PTPRS: variants seen among roughly 807,000 people sequenced by gnomAD.
The protein encoded by PTPRS is receptor-type tyrosine-protein phosphatase S.
Under a neutral mutation model 215.3 loss-of-function variants are expected in PTPRS, and 63 were observed. The ratio of observed to expected loss-of-function variants is 0.29; its 90% CI spans 0.24 to 0.36. The LOEUF (loss-of-function observed/expected upper bound fraction) is 0.36. Among genes scored for constraint, PTPRS ranks in the 10% least tolerant of loss-of-function variants. PTPRS has a pLI of 1.00. For missense variants in PTPRS, 2,258 were observed against 2,825.8 expected (o/e 0.80, Z 4.56); for synonymous variants, 1,404 against 1,191.4 (o/e 1.18, Z -3.68).
At chr19:5,229,461 T>TCC in intron 15 of PTPRS, 30 bp downstream of exon 15, 1 of 1,375,402 alleles carries the variant, frequency 7.3e-7, no homozygotes, top group Non-Finnish European at 9.4e-7. Flanking sequence ...CCGGAGCCCG[T>TCC]CCCCGGCCCC....
Position 5,231,589 on chromosome 19 carries a change from T to C in PTPRS, c.1876A>G (p.Lys626Glu). The C allele has an allele frequency of 6.4e-7, 1 of 1,561,448 alleles. No individual in the cohort carries two copies. Among genetic ancestry groups the C allele is most frequent in the Non-Finnish European group, 8.6e-7 (1 of 1,162,014 alleles). The change falls in exon 14 of 38, where the codon AAA becomes GAA. Residue 626 changes from lysine to glutamate, a missense_variant. By Grantham distance (56) the Lys-to-Glu change is moderately conservative (BLOSUM62 1). Coordinates refer to ENST00000262963, the MANE Select transcript of PTPRS (RefSeq NM_002850.4). ...GCCGTGGAGCGCACGCTGACACATT[T>C]AACGTCTTGAGGGGGGGCTGACGGT... is the stretch of plus-strand genomic sequence containing the variant. Reference protein sequence around the residue: ...SKPSAPPQDVKCVSVRSTAIL... With the variant: ...SKPSAPPQDVECVSVRSTAIL...
At chr19:5,309,030 G>C (rs1396343526) in intron 1 of PTPRS, among the ~76,000 whole-genome samples, 2 of 152,192 alleles carry the variant, frequency 1.3e-5, no homozygotes, top group Admixed American at 6.5e-5. Context: ...CAGCCTGCCT[G>C]GCACTAGGCC....
In PTPRS at chr19:5,244,553, T is replaced by C; in HGVS notation, c.989-71A>G. 3 of 1,305,358 alleles carry C rather than the reference T, an allele frequency of 2.3e-6. No homozygotes were observed. The highest frequency in any genetic ancestry group is 3.2e-6 in the Non-Finnish European group (3 of 936,840). The allele number at this position is 1,305,358 out of a possible 1,614,324, so 80.9% of individuals were successfully genotyped here. On this transcript the variant is annotated intron_variant, in intron 10 of 37. Transcript: ENST00000262963. The surrounding 1 kb of genome is among the most constrained non-coding windows in gnomAD (Gnocchi z 7.2). ...AGGACCCTGAAGGCTGTGTGACTTT[T>C]CACCATTCAGTCGCCTTCTCTGAGC...
At chr19:5,329,368 C>T (rs1008891221) in intron 1 of PTPRS, among the ~76,000 whole-genome samples, 1 of 152,154 alleles carries the variant, frequency 6.6e-6, no homozygotes, top group Non-Finnish European at 1.5e-5. Flanking sequence ...CATCTTTGCT[C>T]CCAGCCACTG....
chr19:5,212,146 C>T lies in PTPRS; in HGVS notation c.4874G>A (p.Arg1625Lys). The change falls in exon 32 of 38, where the codon AGG (arginine) becomes AAG (lysine). Residue 1625 changes from arginine (R) to lysine (K), a missense_variant. Arg to Lys is a conservative substitution (Grantham distance 26). Transcript: ENST00000262963. The stretch of plus-strand genomic sequence containing the variant: ...CTGCACCATGTAGTTGCGCTGGGAC[C>T]TCATGAGCGTCACGTGGCCATAGAC... ...VDVYGHVTLMRSQRNYMVQTE... is the reference protein window; with the variant it reads ...VDVYGHVTLMKSQRNYMVQTE... The T allele has an allele frequency of 6.2e-7, 1 of 1,614,102 alleles. No homozygotes were observed. Among genetic ancestry groups the T allele is most frequent in the Non-Finnish European group, 8.5e-7 (1 of 1,180,046 alleles).
intron 1 of PTPRS, among the ~76,000 whole-genome samples, chr19:5,317,882 G>C (rs570615827): frequency 5.3e-5 from 8 of 151,792 alleles, no homozygotes; most frequent in African/African-American, 1.9e-4. Flanking sequence ...TTAAAAATAT[G>C]AAAATTAGGC....
At chr19:5,281,235 A>T (rs1342259944) in intron 2 of PTPRS, among the ~76,000 whole-genome samples, 2 of 151,720 alleles carry the variant, frequency 1.3e-5, no homozygotes, top group African/African-American at 4.8e-5. Context: ...CCAAAGCGGG[A>T]GGATCAACTG....
At chr19:5,302,023 C>T (rs1014909682) in intron 1 of PTPRS, among the ~76,000 whole-genome samples, 3 of 152,040 alleles carry the variant, frequency 2.0e-5, no homozygotes, top group East Asian at 1.9e-4. Context: ...TCAAATGATC[C>T]GCCTTGCCTT....
At chr19:5,329,324 C>T (rs915109835) in intron 1 of PTPRS, among the ~76,000 whole-genome samples, 6 of 152,104 alleles carry the variant, frequency 3.9e-5, no homozygotes, top group African/African-American at 1.4e-4. Context: ...AGTCACACAG[C>T]TCGTAAGGGG....
chr19:5,207,504 GTCC>G (rs2144904340), intron 37 of PTPRS, among the ~76,000 whole-genome samples: 1 of 152,262 alleles, frequency 6.6e-6, no homozygotes, highest in East Asian at 1.9e-4. Context: ...GCCACGCCGG[GTCC>G]CCTCTACTCA....
chr19:5,239,527 T>C (rs111065627), intron 12 of PTPRS, among the ~76,000 whole-genome samples: 9,202 of 136,254 alleles, frequency 0.068, 829 homozygotes, highest in African/African-American at 0.22. Context: ...GACAGAGGAA[T>C]AGAGAAATTG....
chr19:5,273,149 C>G (rs144345683), intron 4 of PTPRS: 1 of 444,914 alleles, frequency 2.2e-6, no homozygotes, highest in South Asian at 2.4e-5. Context: ...TTACCTTTCT[C>G]GCTTGAACCC....
chr19:5,219,822 C>T, intron 22 of PTPRS, 117 bp downstream of exon 22: 1 of 1,209,884 alleles, frequency 8.3e-7, no homozygotes, highest in Non-Finnish European at 1.2e-6. Context: ...CCCCTCTGCC[C>T]AGCTCTGACC....
intron 1 of PTPRS, among the ~76,000 whole-genome samples, chr19:5,322,779 T>A (rs1016965780): frequency 6.8e-6 from 1 of 147,208 alleles, no homozygotes; most frequent in Non-Finnish European, 1.5e-5. Context: ...TTCGAGAGGC[T>A]GAGGCAGGAG....
At chr19:5,279,308 G>A (rs2047655801) in intron 2 of PTPRS, among the ~76,000 whole-genome samples, 1 of 152,114 alleles carries the variant, frequency 6.6e-6, no homozygotes, top group African/African-American at 2.4e-5. Flanking sequence ...CTTTTTACAT[G>A]TAGAACTAAA....
chr19:5,321,224 G>C (rs2050016706), intron 1 of PTPRS, among the ~76,000 whole-genome samples: 2 of 152,214 alleles, frequency 1.3e-5, no homozygotes, highest in Admixed American at 6.5e-5. Flanking sequence ...AGTGAGCTAT[G>C]ATCATGCCAC....
intron 30 of PTPRS, among the ~76,000 whole-genome samples, chr19:5,212,950 C>T (rs1379644115): frequency 6.6e-6 from 1 of 152,094 alleles, no homozygotes; most frequent in Admixed American, 6.5e-5. Flanking sequence ...TTGCGGACGC[C>T]TCACACACAA....
At chr19:5,230,096 G>C (rs1311116041) in intron 14 of PTPRS, among the ~76,000 whole-genome samples, 1 of 152,186 alleles carries the variant, frequency 6.6e-6, no homozygotes, top group African/African-American at 2.4e-5. Flanking sequence ...GCCAGGATTT[G>C]CACCAGGCAG....
intron 22 of PTPRS, 89 bp downstream of exon 22, chr19:5,219,826 TCTGACCACAGGGAGCTGCCTGTGA>T: frequency 8.0e-7 from 1 of 1,249,032 alleles, no homozygotes. Flanking sequence ...TCTGCCCAGC[TCTGACCACAGGGAGCTGCCTGTGA>T]CTGACCACAG....
Sources: allele counts gnomAD v4.1 joint callset (sites outside exome capture counted in the v4.1 genomes callset), GRCh38; gene constraint gnomAD v4.1.1; non-coding constraint Gnocchi (gnomAD v3.1); transcripts MANE v1.5; gene names NCBI Gene and HGNC (gene_info 2026-07-23, HGNC 2026-07-21).